Variants in CDH13 observed in about 807,000 individuals in gnomAD.
The protein encoded by CDH13 is cadherin-13.
In CDH13, 24 loss-of-function variants were observed where a neutral mutation model predicts 63.8. The ratio of observed to expected loss-of-function variants is 0.38; its 90% CI spans 0.27 to 0.53. The LOEUF (loss-of-function observed/expected upper bound fraction) is 0.53, where lower values mean the gene tolerates loss of function less well. CDH13 is among the 20% of genes least tolerant of loss of function. CDH13 has a pLI of 0.85. For synonymous variants in CDH13, 503 were observed against 355.3 expected, an observed-to-expected ratio of 1.42 and a Z score of -4.67; for missense variants, 1,049 against 903.1, an observed-to-expected ratio of 1.16 and a Z score of -2.07.
intron 10 of CDH13, among the ~76,000 whole-genome samples, chr16:83,679,840 A>G (rs1598465044): frequency 6.6e-6 from 1 of 152,316 alleles, no homozygotes; most frequent in East Asian, 1.9e-4. Context: ...AATGAGTTAA[A>G]TCAGGTTGAT....
chr16:82,718,130 A>G (rs1182184692), intron 1 of CDH13, among the ~76,000 whole-genome samples: 1 of 152,208 alleles, frequency 6.6e-6, no homozygotes, highest in East Asian at 1.9e-4. Flanking sequence ...AAGGGCAGCC[A>G]GTGATGGGAG....
intron 7 of CDH13, among the ~76,000 whole-genome samples, chr16:83,575,092 G>A (rs1904986370): frequency 1.3e-5 from 2 of 152,206 alleles, no homozygotes; most frequent in Non-Finnish European, 2.9e-5. Flanking sequence ...GTGAGATGAC[G>A]TATTTTTGTT....
chr16:83,763,267 A>G (rs1178800402), intron 11 of CDH13, among the ~76,000 whole-genome samples: 1 of 152,222 alleles, frequency 6.6e-6, no homozygotes, highest in Non-Finnish European at 1.5e-5. Context: ...TTAAAATGGA[A>G]TAGACTAAGA....
chr16:83,081,778 C>G (rs967300626), intron 3 of CDH13, among the ~76,000 whole-genome samples: 1 of 152,004 alleles, frequency 6.6e-6, no homozygotes, highest in African/African-American at 2.4e-5. Context: ...CGGGTTCCAC[C>G]CTCATGACCT....
intron 4 of CDH13, among the ~76,000 whole-genome samples, chr16:83,168,058 G>T (rs1015809918): frequency 2.0e-5 from 3 of 151,876 alleles, no homozygotes; most frequent in African/African-American, 7.3e-5. Flanking sequence ...GAGTGGGGAG[G>T]GAAAGAGGGG....
chr16:83,433,895 A>C (rs2072204753), intron 6 of CDH13, among the ~76,000 whole-genome samples: 1 of 152,186 alleles, frequency 6.6e-6, no homozygotes, highest in South Asian at 2.1e-4. Context: ...TTAATCTAAA[A>C]ATATGAATTA....
intron 1 of CDH13, among the ~76,000 whole-genome samples, chr16:82,805,825 G>A: frequency 6.6e-6 from 1 of 152,148 alleles, no homozygotes; most frequent in East Asian, 1.9e-4. Flanking sequence ...GAGAAATAAG[G>A]ATGTGTGTGA....
chr16:83,456,080 T>A (rs2151517079), intron 6 of CDH13, among the ~76,000 whole-genome samples: 1 of 152,340 alleles, frequency 6.6e-6, no homozygotes, highest in Non-Finnish European at 1.5e-5. Context: ...CAGCCCTGGC[T>A]TGCTTAGAGG....
chr16:83,673,970 C>T (rs905031177), intron 9 of CDH13, among the ~76,000 whole-genome samples: 1 of 152,168 alleles, frequency 6.6e-6, no homozygotes, highest in Non-Finnish European at 1.5e-5. Context: ...TGCAGACTCT[C>T]CCTCACCCCA....
At chr16:83,426,928 TTTTTTTTTTTTG>T (rs74500860) in intron 6 of CDH13, among the ~76,000 whole-genome samples, 23,666 of 124,812 alleles carry the variant, frequency 0.19, 2,885 homozygotes, top group East Asian at 0.47. Context: ...TTTTTTTTTT[TTTTTTTTTTTTG>T]AAGACGGAGT....
At chr16:83,629,761 A>G (rs1421465413) in intron 8 of CDH13, among the ~76,000 whole-genome samples, 2 of 152,194 alleles carry the variant, frequency 1.3e-5, no homozygotes, top group African/African-American at 4.8e-5. Context: ...AGACTATTCA[A>G]TGAGAGCAAG....
chr16:83,361,979 T>A (rs1473825489), intron 6 of CDH13, among the ~76,000 whole-genome samples: 2 of 152,192 alleles, frequency 1.3e-5, no homozygotes, highest in Non-Finnish European at 2.9e-5. Flanking sequence ...GGTAGTTTGA[T>A]AGGAATTGCA....
At chr16:83,634,244 G>A (rs1378595006) in intron 8 of CDH13, among the ~76,000 whole-genome samples, 1 of 151,400 alleles carries the variant, frequency 6.6e-6, no homozygotes, top group African/African-American at 2.4e-5. Context: ...GTCACAGAAG[G>A]GCTACCTGTC....
chr16:83,032,418 A>C, intron 3 of CDH13, 200 bp downstream of exon 3: 2 of 573,366 alleles, frequency 3.5e-6, no homozygotes, highest in Non-Finnish European at 6.2e-6. Flanking sequence ...ATTGAGGCAT[A>C]GTTCGTGGAT....
At chr16:83,137,450 G>A (rs1225607777) in intron 4 of CDH13, among the ~76,000 whole-genome samples, 2 of 152,196 alleles carry the variant, frequency 1.3e-5, no homozygotes, top group African/African-American at 2.4e-5. Flanking sequence ...GTGTTTGTGC[G>A]CTGAGTCAGG....
intron 7 of CDH13, among the ~76,000 whole-genome samples, chr16:83,536,508 G>T (rs1218435641): frequency 5.9e-5 from 9 of 152,174 alleles, no homozygotes; most frequent in Non-Finnish European, 8.8e-5. Flanking sequence ...TGCAGTGAGT[G>T]TGGGTGTAGA....
intron 1 of CDH13, among the ~76,000 whole-genome samples, chr16:82,655,904 C>T (rs918056634): frequency 6.6e-6 from 1 of 152,022 alleles, no homozygotes; most frequent in Non-Finnish European, 1.5e-5. Flanking sequence ...TTCAGCTAGC[C>T]TTTAGTGGGC....
Position 83,176,921 on chromosome 16 carries a change from C to A in CDH13, c.484-40424C>A, listed in dbSNP as rs868525225. 5.9e-5 allele frequency among the ~76,000 whole-genome samples: 9 copies of A among 152,072 alleles called. No individual in the cohort carries two copies. In the South Asian group the frequency reaches 1.7e-3, roughly 28 times the overall value. On this transcript the variant is annotated intron_variant, in intron 4 of 13. Transcript: ENST00000567109. ...GCCAGAGTTAGCCTGAGGTCCCAAA[C>A]TATGAGCAGGAGAATGTCACCCTAG...
chr16:83,061,327 C>G (rs546953261), intron 3 of CDH13, among the ~76,000 whole-genome samples: 3 of 152,106 alleles, frequency 2.0e-5, no homozygotes, highest in Admixed American at 6.5e-5. Flanking sequence ...TGCAAAGGGG[C>G]TTTGTCCGGA....
Sources: allele counts gnomAD v4.1 joint callset (sites outside exome capture counted in the v4.1 genomes callset), GRCh38; gene constraint gnomAD v4.1.1; transcripts MANE v1.5; gene names NCBI Gene and HGNC (gene_info 2026-07-23, HGNC 2026-07-21).